The following NEK6 variants were observed in gnomAD, a reference collection of about 807,000 sequenced individuals.
NEK6 encodes the protein NIMA related kinase 6, also known as serine/threonine-protein kinase Nek6.
In NEK6, 27 loss-of-function variants were observed where a neutral mutation model predicts 43.5. The observed-to-expected ratio is 0.62, with a 90% CI of 0.46 to 0.86. The LOEUF (loss-of-function observed/expected upper bound fraction) is 0.86, where lower values mean the gene tolerates loss of function less well. Among genes scored for constraint, NEK6 ranks in the 40% least tolerant of loss-of-function variants. The pLI, the probability that NEK6 is intolerant of heterozygous loss-of-function variation, is 0.00. For synonymous variants in NEK6, 167 were observed against 164.1 expected (o/e 1.02, Z -0.14); for missense variants, 318 against 414.4 (o/e 0.77, Z 2.02).
intron 2 of NEK6, among the ~76,000 whole-genome samples, chr9:124,306,403 C>T (rs909201900): frequency 2.0e-5 from 3 of 152,126 alleles, no homozygotes; most frequent in South Asian, 4.2e-4. Context: ...GTCTTCCATG[C>T]GATGGGCATT....
At chr9:124,330,805 G>A (rs1243530750) in intron 7 of NEK6, among the ~76,000 whole-genome samples, 1 of 152,184 alleles carries the variant, frequency 6.6e-6, no homozygotes, top group African/African-American at 2.4e-5. Context: ...GCCCACTGTG[G>A]GCAGGCAGGG....
chr9:124,330,969 T>C (rs554445388), intron 7 of NEK6, among the ~76,000 whole-genome samples: 9 of 152,286 alleles, frequency 5.9e-5, no homozygotes, highest in African/African-American at 1.4e-4. Context: ...AAAAACATTT[T>C]GTTTTTTCGT....
intron 1 of NEK6, among the ~76,000 whole-genome samples, chr9:124,295,043 C>T (rs1024954662): frequency 6.6e-6 from 1 of 152,146 alleles, no homozygotes; most frequent in Non-Finnish European, 1.5e-5. Context: ...GGGTGGGCAC[C>T]GTGTGGCCCC....
chr9:124,344,441 C>T (rs930372090), intron 8 of NEK6, among the ~76,000 whole-genome samples: 5 of 152,224 alleles, frequency 3.3e-5, no homozygotes, highest in African/African-American at 1.2e-4. Flanking sequence ...CACAAAGCCC[C>T]GCACCTGGCC....
At chr9:124,292,753 G>A in intron 1 of NEK6, 1 of 1,226,220 alleles carries the variant, frequency 8.2e-7, no homozygotes, top group Non-Finnish European at 1.1e-6. Context: ...TCTGTACTGA[G>A]TCAGCAACCA....
intron 1 of NEK6, among the ~76,000 whole-genome samples, chr9:124,278,021 T>TAAG (rs1247547508): frequency 2.0e-5 from 3 of 152,366 alleles, no homozygotes; most frequent in Admixed American, 2.0e-4. Context: ...AAGGACACTT[T>TAAG]GGTCAACAGC....
At chr9:124,286,249 C>A (rs558258611) in intron 1 of NEK6, among the ~76,000 whole-genome samples, 1 of 152,298 alleles carries the variant, frequency 6.6e-6, no homozygotes, top group Non-Finnish European at 1.5e-5. Flanking sequence ...CCCTCTCTTT[C>A]TTTTAAAGCT....
intron 7 of NEK6, among the ~76,000 whole-genome samples, chr9:124,336,037 G>C (rs1829273929): frequency 6.6e-6 from 1 of 152,150 alleles, no homozygotes; most frequent in Non-Finnish European, 1.5e-5. Flanking sequence ...TCAAGAGTTT[G>C]AGACCAGCCT....
At chr9:124,295,223 A>G (rs1832625905) in intron 1 of NEK6, among the ~76,000 whole-genome samples, 1 of 152,220 alleles carries the variant, frequency 6.6e-6, no homozygotes, top group African/African-American at 2.4e-5. Flanking sequence ...GAGCTGCAGA[A>G]TCCGGGCAGG....
intron 2 of NEK6, among the ~76,000 whole-genome samples, chr9:124,305,814 G>A (rs1451622520): frequency 6.6e-6 from 1 of 152,126 alleles, no homozygotes; most frequent in Non-Finnish European, 1.5e-5. Flanking sequence ...GGTGGGACAG[G>A]GAGAGGCCCC....
At chr9:124,262,871 C>T (rs1204738028) in intron 1 of NEK6, 2 of 152,272 alleles carry the variant, frequency 1.3e-5, no homozygotes, top group East Asian at 1.9e-4. Context: ...CATTCAGAGC[C>T]TGCAGTGCCT....
At position 124,352,580 on chromosome 9, in the gene NEK6, A is replaced by G. The variant is rs181202698; in HGVS notation, c.*1633A>G. The G allele has an allele frequency of 2.5e-5, 3 of 120,380 alleles. No individual in the cohort carries two copies. The highest frequency in any genetic ancestry group is 8.5e-5 in the African/African-American group (3 of 35,344). The allele number at this position is 120,380 out of a possible 1,614,324, so 7.5% of individuals were successfully genotyped here. A position where few individuals can be genotyped will look rare whatever the true frequency, so the allele number is the denominator to read the frequency against. On this transcript the variant is annotated 3_prime_UTR_variant, in exon 10 of 10. Transcript: ENST00000320246. Reference sequence around the variant, plus strand: ...TCCCAGGATTTCTTTAAGCTCCCCAAATAATTTTGAAACTCATCATCAGCC... The same window carrying G: ...TCCCAGGATTTCTTTAAGCTCCCCAGATAATTTTGAAACTCATCATCAGCC...
At chr9:124,282,283 G>A (rs1348114805) in intron 1 of NEK6, among the ~76,000 whole-genome samples, 1 of 151,552 alleles carries the variant, frequency 6.6e-6, no homozygotes, top group Non-Finnish European at 1.5e-5. Context: ...TCCGTGGCTC[G>A]TCTACACATC....
At chr9:124,283,313 C>T (rs868112631) in intron 1 of NEK6, among the ~76,000 whole-genome samples, 1 of 152,226 alleles carries the variant, frequency 6.6e-6, no homozygotes, top group South Asian at 2.1e-4. Context: ...GCCACTCCTG[C>T]GACGGAGCCT....
chr9:124,274,872 A>G (rs1831590485), intron 1 of NEK6, among the ~76,000 whole-genome samples: 1 of 152,288 alleles, frequency 6.6e-6, no homozygotes, highest in South Asian at 2.1e-4. Flanking sequence ...GCTCTGATAG[A>G]TTGATAGGGG....
At chr9:124,281,911 T>C (rs1383699396) in intron 1 of NEK6, among the ~76,000 whole-genome samples, 1 of 152,172 alleles carries the variant, frequency 6.6e-6, no homozygotes, top group African/African-American at 2.4e-5. Flanking sequence ...TGTCCAGGCC[T>C]GTGACACCTC....
At chr9:124,295,258 C>A (rs908487514) in intron 1 of NEK6, among the ~76,000 whole-genome samples, 3 of 152,214 alleles carry the variant, frequency 2.0e-5, no homozygotes, top group African/African-American at 4.8e-5. Context: ...AGGTGGAGAG[C>A]TGGGGCGAGC....
intron 1 of NEK6, chr9:124,292,468 G>A (rs1043116306): frequency 8.5e-6 from 13 of 1,537,058 alleles, no homozygotes; most frequent in Non-Finnish European, 1.0e-5. Context: ...ATTAGGGGAG[G>A]CCACGGGCTT....
chr9:124,309,395 G>T (rs1255354807), intron 2 of NEK6, among the ~76,000 whole-genome samples: 2 of 152,198 alleles, frequency 1.3e-5, no homozygotes, highest in Non-Finnish European at 2.9e-5. Flanking sequence ...GCAGTGTTGG[G>T]AACCCCGGCC....
Sources: gnomAD v4.1 joint callset for allele counts (sites outside exome capture counted in the v4.1 genomes callset) on GRCh38, gnomAD v4.1.1 for gene constraint, MANE v1.5 for transcripts, NCBI Gene and HGNC (gene_info 2026-07-23, HGNC 2026-07-21) for gene names.